The following TAFA5 variants were observed in gnomAD, a reference collection of about 807,000 sequenced individuals.
TAFA5 encodes the protein chemokine-like protein TAFA-5.
A neutral mutation model predicts 15.3 loss-of-function variants in TAFA5; 6 were observed. The ratio of observed to expected loss-of-function variants is 0.39; its 90% CI spans 0.21 to 0.77. The LOEUF (loss-of-function observed/expected upper bound fraction) is 0.77, where lower values mean the gene tolerates loss of function less well. Ranked by LOEUF, TAFA5 falls within the 30% of genes least tolerant of loss-of-function variation. TAFA5 has a pLI of 0.41. For synonymous variants in TAFA5, 103 were observed against 80.7 expected, an observed-to-expected ratio of 1.28 and a Z score of -1.48; for missense variants, 161 against 193.1, an observed-to-expected ratio of 0.83 and a Z score of 0.98.
intron 1 of TAFA5, among the ~76,000 whole-genome samples, chr22:48,533,980 AC>A (rs1470635322): frequency 2.0e-5 from 3 of 151,916 alleles, no homozygotes; most frequent in Admixed American, 6.6e-5. Flanking sequence ...GTTAGCAAGG[AC>A]CCCTTAGCAT....
intron 2 of TAFA5, among the ~76,000 whole-genome samples, chr22:48,647,706 TGCCATGGGCCTAGCCAGCAGCA>T (rs59851469): frequency 0.6 from 90,748 of 151,028 alleles, 27,666 homozygotes; most frequent in South Asian, 0.7. Flanking sequence ...ACATGGGGGC[TGCCATGGGCCTAGCCAGCAGCA>T]GCCATGTGCC....
In TAFA5 at chr22:48,742,686, ATGGACCAGGCGACGTGG is replaced by A. The variant is rs1001431478; in HGVS notation, c.391-7149_391-7133del. ...GCAACGTGGTAGACCGGGCAGTGTG[ATGGACCAGGCGACGTGG>A]TGGGCCGGGTGGTGTGGTGAAGCCG... On this transcript the variant is annotated intron_variant, in intron 3 of 3. Transcript: ENST00000402357. The surrounding 1 kb of genome is among the most constrained non-coding windows in gnomAD (Gnocchi z 6.2). 3.3e-5 allele frequency among the ~76,000 whole-genome samples: 5 copies of A among 150,326 alleles called. No homozygotes were observed. Among genetic ancestry groups the A allele is most frequent in the African/African-American group, 1.2e-4 (5 of 40,682 alleles).
chr22:48,706,728 A>C (rs556477015), intron 2 of TAFA5, among the ~76,000 whole-genome samples: 1 of 152,340 alleles, frequency 6.6e-6, no homozygotes, highest in African/African-American at 2.4e-5. Flanking sequence ...CCCTGTTTGT[A>C]GGTCCAATTT....
intron 1 of TAFA5, among the ~76,000 whole-genome samples, chr22:48,579,127 CG>C (rs147574525): frequency 0.17 from 18,375 of 109,964 alleles, 1,173 homozygotes; most frequent in Middle Eastern, 0.21. Context: ...GTGGCTAATC[CG>C]TCCCCCCCTG....
Position 48,637,788 on chromosome 22 carries a change from A to C in TAFA5, c.113-8809A>C, listed in dbSNP as rs1555251. On this transcript the variant is annotated intron_variant, in intron 1 of 3. Coordinates refer to ENST00000402357, the MANE Select transcript of TAFA5 (RefSeq NM_001082967.3). ...AACCATCGACGTCCCCAACACTTTC[A>C]CAGCCACTCCCGCCCACCGAGCACA... 4.0e-5 allele frequency among the ~76,000 whole-genome samples: 6 copies of C among 151,868 alleles called. No homozygotes were observed. In the South Asian group the frequency reaches 8.3e-4, roughly 21 times the overall value.
rs145627577 is a variant in TAFA5 at position 48,536,216 on chromosome 22, G to C, written c.112+46512G>C. On this transcript the variant is annotated intron_variant, in intron 1 of 3. Transcript: ENST00000402357. ...CACACACACACGTTTCCATTAATTA[G>C]CAGGGACTTGGAAACCTACCGTCCC... is the stretch of plus-strand genomic sequence containing the variant. Among the ~76,000 whole-genome samples, 208 of 152,358 alleles carry C rather than the reference G, an allele frequency of 1.4e-3. 4 individuals are homozygous for C. In the East Asian group the frequency reaches 0.039, roughly 28 times the overall value.
chr22:48,638,330 C>A, intron 1 of TAFA5, among the ~76,000 whole-genome samples: 1 of 94,128 alleles, frequency 1.1e-5, no homozygotes, highest in Admixed American at 1.2e-4. Context: ...ACACACTAAG[C>A]CCTGGGCCAC....
intron 1 of TAFA5, among the ~76,000 whole-genome samples, chr22:48,631,157 G>A (rs1926212480): frequency 6.6e-6 from 1 of 152,232 alleles, no homozygotes. Flanking sequence ...ACCGGGGCTG[G>A]GATGACCTGC....
At chr22:48,579,523 G>T (rs996252179) in intron 1 of TAFA5, among the ~76,000 whole-genome samples, 2 of 152,228 alleles carry the variant, frequency 1.3e-5, no homozygotes, top group African/African-American at 4.8e-5. Flanking sequence ...CTTCCTTAGG[G>T]TGCAGACGAC....
chr22:48,675,757 G>C (rs1400692230), intron 2 of TAFA5, among the ~76,000 whole-genome samples: 2 of 152,236 alleles, frequency 1.3e-5, no homozygotes, highest in Non-Finnish European at 2.9e-5. Flanking sequence ...TGAGGCCTGA[G>C]GCCTCCTGCT....
intron 1 of TAFA5, among the ~76,000 whole-genome samples, chr22:48,607,708 T>G (rs1175690763): frequency 2.6e-5 from 4 of 152,082 alleles, no homozygotes; most frequent in African/African-American, 9.7e-5. Context: ...GCCTGGGAGA[T>G]TCTGAGTCAA....
At chr22:48,526,314 G>A (rs980373526) in intron 1 of TAFA5, among the ~76,000 whole-genome samples, 1 of 152,230 alleles carries the variant, frequency 6.6e-6, no homozygotes, top group Admixed American at 6.5e-5. Context: ...AGGAGCCGAG[G>A]GAGCTTTCCA....
chr22:48,561,715 A>C (rs1287835452), intron 1 of TAFA5, among the ~76,000 whole-genome samples: 8 of 152,200 alleles, frequency 5.3e-5, no homozygotes, highest in South Asian at 2.1e-4. Context: ...CACTGGCACA[A>C]ACAATGCTCC....
At chr22:48,677,303 C>T (rs1414331361) in intron 2 of TAFA5, among the ~76,000 whole-genome samples, 1 of 152,272 alleles carries the variant, frequency 6.6e-6, no homozygotes, top group East Asian at 1.9e-4. Context: ...GCTGTGCTCC[C>T]GACACCTTTG....
At chr22:48,651,361 C>T (rs771501553) in intron 2 of TAFA5, among the ~76,000 whole-genome samples, 6 of 152,184 alleles carry the variant, frequency 3.9e-5, no homozygotes, top group African/African-American at 1.2e-4. Context: ...CAGGACAGGC[C>T]GGGCTGACTG....
At chr22:48,621,261 A>G (rs760199714) in intron 1 of TAFA5, among the ~76,000 whole-genome samples, 5 of 135,694 alleles carry the variant, frequency 3.7e-5, no homozygotes, top group Non-Finnish European at 7.8e-5. Context: ...CATCCATTCT[A>G]CCTATCCACC....
chr22:48,667,579 G>A lies in TAFA5; in HGVS notation c.262+20833G>A, dbSNP rs188172280. ...TTTATTTATCTCGCGGGCTTCGCTG[G>A]AATCTTGAGGGTCCTTGAGACTCCG... On this transcript the variant is annotated intron_variant, in intron 2 of 3. Coordinates refer to ENST00000402357, the MANE Select transcript of TAFA5 (RefSeq NM_001082967.3). Among the ~76,000 whole-genome samples the A allele has an allele frequency of 2.4e-3, 369 of 152,262 alleles. 7 individuals carry two copies. Among genetic ancestry groups the A allele is most frequent in the Middle Eastern group, 0.014 (4 of 294 alleles).
chr22:48,699,825 G>A (rs77691513), intron 2 of TAFA5, among the ~76,000 whole-genome samples: 6,905 of 152,266 alleles, frequency 0.045, 458 homozygotes, highest in African/African-American at 0.14. Flanking sequence ...ACTTACTCCT[G>A]ATGAACTGCT....
At chr22:48,581,673 G>T (rs35442569) in intron 1 of TAFA5, among the ~76,000 whole-genome samples, 28,870 of 152,158 alleles carry the variant, frequency 0.19, 2,795 homozygotes, top group East Asian at 0.28. Context: ...CTGCTGACAT[G>T]TTCATGTGTG....
Sources: gnomAD v4.1 joint callset for allele counts (sites outside exome capture counted in the v4.1 genomes callset) on GRCh38, gnomAD v4.1.1 for gene constraint, Gnocchi (gnomAD v3.1) non-coding constraint, MANE v1.5 for transcripts, NCBI Gene and HGNC (gene_info 2026-07-23, HGNC 2026-07-21) for gene names.